ZNF724: variants seen among roughly 807,000 people sequenced by gnomAD.
The protein encoded by ZNF724 is zinc finger protein 724 pseudogene.
In ZNF724, 14 loss-of-function variants were observed where a neutral mutation model predicts 29.3. The observed-to-expected ratio is 0.48, with a 90% CI of 0.32 to 0.75. ZNF724 has a LOEUF of 0.75. Ranked by LOEUF, ZNF724 falls within the 30% of genes least tolerant of loss-of-function variation. ZNF724 has a pLI of 0.04. For missense variants in ZNF724, 557 were observed against 571.2 expected (o/e 0.98, Z 0.25); for synonymous variants, 180 against 193.6 (o/e 0.93, Z 0.58).
In ZNF724 at chr19:23,222,227, A is replaced by G; in HGVS notation, c.*158T>C. The stretch of plus-strand genomic sequence containing the variant: ...GTTTAGAAATATTGAGGTGTTGTCA[A>G]CTGCACTGTTATATCTTTCAGGTTT... On this transcript the variant is annotated 3_prime_UTR_variant, in exon 4 of 4. Transcript: ENST00000418100. 1 of 580,754 alleles carries G rather than the reference A, an allele frequency of 1.7e-6. No individual in the cohort carries two copies. The highest frequency in any genetic ancestry group is 3.0e-6 in the Non-Finnish European group (1 of 328,358). The allele number at this position is 580,754 out of a possible 1,614,324, so 36.0% of individuals were successfully genotyped here.
chr19:23,239,795 AG>A (rs1434017068), intron 1 of ZNF724, among the ~76,000 whole-genome samples: 2 of 152,166 alleles, frequency 1.3e-5, no homozygotes, highest in Non-Finnish European at 2.9e-5. Context: ...TAGGCAACGC[AG>A]CGAGACTGTT....
rs1971770897 is a variant in ZNF724 at position 23,223,786 on chromosome 19, G to A, written c.459C>T (p.Asp153=). 1.3e-6 allele frequency: 1 copy of A among 772,350 alleles called. No homozygotes were observed. The highest frequency in any genetic ancestry group is 2.4e-6 in the Non-Finnish European group (1 of 414,148). The allele number at this position is 772,350 out of a possible 1,614,324, so 47.8% of individuals were successfully genotyped here. ...KIFQCDKYVK[D]FHKFSNSNRH... ...TATTTGAATTTGAAAATTTATGAAA[G>A]TCTTTCACATATTTATCACACTGAA... The change falls in exon 4 of 4, where the codon GAC becomes GAT. Residue 153 remains aspartate (D), a synonymous_variant. Coordinates refer to ENST00000418100, the MANE Select transcript of ZNF724 (RefSeq NM_001355404.2).
At chr19:23,240,782 A>G (rs527660544) in intron 1 of ZNF724, among the ~76,000 whole-genome samples, 2 of 151,518 alleles carry the variant, frequency 1.3e-5, no homozygotes, top group East Asian at 3.9e-4. Context: ...CTGTAATCCC[A>G]GCACTTTGGG....
chr19:23,232,342 T>C, intron 1 of ZNF724, 49 bp from the exon 2 acceptor site: 1 of 911,386 alleles, frequency 1.1e-6, no homozygotes, highest in South Asian at 1.4e-5. Context: ...GGGCAAAATT[T>C]TTAATTTGAT....
At chr19:23,226,275 C>A (rs1971825153) in intron 3 of ZNF724, among the ~76,000 whole-genome samples, 1 of 152,062 alleles carries the variant, frequency 6.6e-6, no homozygotes, top group South Asian at 2.1e-4. Flanking sequence ...ATGGTCTCGA[C>A]CTCCTGACCT....
chr19:23,238,791 C>T (rs1274043288), intron 1 of ZNF724, among the ~76,000 whole-genome samples: 1 of 152,072 alleles, frequency 6.6e-6, no homozygotes, highest in Non-Finnish European at 1.5e-5. Flanking sequence ...ACCTGTAATC[C>T]CACTACTCAG....
intron 1 of ZNF724, among the ~76,000 whole-genome samples, chr19:23,244,206 T>A (rs1972195081): frequency 6.6e-6 from 1 of 152,114 alleles, no homozygotes. Flanking sequence ...CCCAGAACCC[T>A]AAGTTGGTGG....
intron 1 of ZNF724, among the ~76,000 whole-genome samples, chr19:23,241,372 G>A (rs531739003): frequency 6.6e-6 from 1 of 152,290 alleles, no homozygotes; most frequent in Non-Finnish European, 1.5e-5. Context: ...AAATTAAGAA[G>A]GGACTTCTCC....
intron 1 of ZNF724, among the ~76,000 whole-genome samples, chr19:23,237,728 A>AAAAG (rs1023530294): frequency 9.9e-5 from 15 of 151,326 alleles, no homozygotes; most frequent in African/African-American, 2.9e-4. Flanking sequence ...AAAAAAAAAA[A>AAAAG]AAAAAGAAAA....
At chr19:23,233,437 A>G (rs889434036) in intron 1 of ZNF724, among the ~76,000 whole-genome samples, 42 of 152,266 alleles carry the variant, frequency 2.8e-4, no homozygotes, top group African/African-American at 9.9e-4. Context: ...GAACTTCAAC[A>G]TTACATGTTC....
chr19:23,231,262 C>A lies in ZNF724; in HGVS notation c.226+4G>T, dbSNP rs1256116906. 7.5e-7 allele frequency: 1 copy of A among 1,333,404 alleles called. No individual in the cohort carries two copies. The highest frequency in any genetic ancestry group is 1.5e-5 in the African/African-American group (1 of 68,858). The allele number at this position is 1,333,404 out of a possible 1,614,324, so 82.6% of individuals were successfully genotyped here. A position where few individuals can be genotyped will look rare whatever the true frequency, so the allele number is the denominator to read the frequency against. ...TGTCATCTGTCATATTCACTCTCACCTACCTGGGGGTTTGGCCACCATCTC... is the reference window on the plus strand; with the variant it reads ...TGTCATCTGTCATATTCACTCTCACATACCTGGGGGTTTGGCCACCATCTC... On this transcript the variant is annotated splice_donor_region_variant and intron_variant, in intron 3 of 3. Coordinates refer to ENST00000418100, the MANE Select transcript of ZNF724 (RefSeq NM_001355404.2).
chr19:23,249,830 G>C (rs925964518), intron 1 of ZNF724, among the ~76,000 whole-genome samples: 1 of 152,150 alleles, frequency 6.6e-6, no homozygotes, highest in African/African-American at 2.4e-5. Flanking sequence ...CAAAGCGCCC[G>C]GCCTGCCATA....
chr19:23,250,153 G>A (rs1972326866), intron 1 of ZNF724, 87 bp downstream of exon 1: 1 of 557,344 alleles, frequency 1.8e-6, no homozygotes, highest in Non-Finnish European at 3.6e-6. Context: ...GATGACTGCG[G>A]GGAGGCCCGA....
intron 1 of ZNF724, among the ~76,000 whole-genome samples, chr19:23,249,840 A>C (rs1023817679): frequency 6.6e-6 from 1 of 152,078 alleles, no homozygotes; most frequent in African/African-American, 2.4e-5. Flanking sequence ...GGCCTGCCAT[A>C]AATTTTTAAT....
In ZNF724 at chr19:23,247,268, G is replaced by A. The variant is rs544559807; in HGVS notation, c.3+2972C>T. 1.1e-4 allele frequency among the ~76,000 whole-genome samples: 16 copies of A among 152,176 alleles called. No homozygotes were observed. In the South Asian group the frequency reaches 3.1e-3, roughly 30 times the overall value. On this transcript the variant is annotated intron_variant, in intron 1 of 3. Coordinates refer to ENST00000418100, the MANE Select transcript of ZNF724 (RefSeq NM_001355404.2). ...ACCTGAGAAAATTTCTAAACTCACA[G>A]TGGGGAAAAAAAAGTAAATGAGAAT...
chr19:23,228,066 C>T lies in ZNF724; in HGVS notation c.226+3200G>A, dbSNP rs538179806. Among the ~76,000 whole-genome samples the T allele has an allele frequency of 3.4e-4, 51 of 152,168 alleles. No homozygotes were observed. The South Asian group carries it at 6.4e-3, about 19-fold the overall frequency. On this transcript the variant is annotated intron_variant, in intron 3 of 3. Transcript: ENST00000418100. ...CACCTGTAATGACAGCTATATGGTA[C>T]ACTGAGGTTGGAGAATTTCTTCAGG...
At position 23,232,269 on chromosome 19, in the gene ZNF724, C is replaced by T. The variant is rs1362084064; in HGVS notation, c.28G>A (p.Ala10Thr). ...CACTCCTCCACAGAGAATTCTATGG[C>T]CACATCCATAAATGTCAATGGTCCC... MGPLTFMDV[A>T]IEFSVEEWQC... Residue 10 changes from alanine (A) to threonine (T), a missense_variant, in exon 2 of 4, where the codon GCC becomes ACC. Physicochemically the swap from Ala to Thr is moderately conservative, Grantham distance 58 (BLOSUM62 0). Transcript: ENST00000418100. The T allele has an allele frequency of 8.0e-7, 1 of 1,257,626 alleles. No homozygotes were observed. Among genetic ancestry groups the T allele is most frequent in the African/African-American group, 1.5e-5 (1 of 68,000 alleles). 77.9% of individuals were successfully genotyped at this position (1,257,626 alleles called of 1,614,324 possible).
intron 1 of ZNF724, among the ~76,000 whole-genome samples, chr19:23,238,806 C>G (rs1005277103): frequency 1.3e-5 from 2 of 152,180 alleles, no homozygotes; most frequent in South Asian, 4.1e-4. Flanking sequence ...ACTCAGGAGG[C>G]TGAGGCAGAA....
chr19:23,234,071 A>G (rs1196654498), intron 1 of ZNF724, among the ~76,000 whole-genome samples: 1 of 152,092 alleles, frequency 6.6e-6, no homozygotes, highest in Non-Finnish European at 1.5e-5. Flanking sequence ...GACACCAGCA[A>G]TTTCTGCTAC....
Sources: gnomAD v4.1 joint callset for allele counts (sites outside exome capture counted in the v4.1 genomes callset) on GRCh38, gnomAD v4.1.1 for gene constraint, MANE v1.5 for transcripts, NCBI Gene and HGNC (gene_info 2026-07-23, HGNC 2026-07-21) for gene names.